The following DMXL1 variants were observed in gnomAD, a reference collection of about 807,000 sequenced individuals.
DMXL1 encodes dmX-like protein 1.
A neutral mutation model predicts 319.2 loss-of-function variants in DMXL1; 99 were observed. That is an observed-to-expected ratio of 0.31 (90% confidence interval 0.26 to 0.37). DMXL1 has a LOEUF of 0.37. DMXL1 is among the 10% of genes least tolerant of loss of function. The pLI is 1.00. For missense variants in DMXL1, 3,745 were observed against 3,595.6 expected (o/e 1.04, Z -1.06); for synonymous variants, 1,385 against 1,235.2 (o/e 1.12, Z -2.54).
chr5:119,096,620 C>T (rs1040370964), intron 1 of DMXL1, among the ~76,000 whole-genome samples: 4 of 152,068 alleles, frequency 2.6e-5, no homozygotes, highest in African/African-American at 4.8e-5. Flanking sequence ...AATATGAATC[C>T]TAGGAGAACA....
rs774554516 is a variant in DMXL1 at position 119,149,453 on chromosome 5, T to C, written c.3626T>C (p.Val1209Ala). Residue 1209 changes from valine to alanine, a missense_variant, in exon 18 of 44, where the codon GTA becomes GCA. This residue lies in a region of DMXL1 where 2,096 missense variants were observed against 1,985.4 expected (regional missense o/e 1.06). Transcript: ENST00000539542. ...LLRSVDLVSS[V>A]DGSPPFPVSL... ...CGAAGTGTGGACCTAGTTTCTTCTG[T>C]AGATGGCTCCCCACCTTTTCCTGTT... 8 of 1,613,994 alleles carry C rather than the reference T, an allele frequency of 5.0e-6. No homozygotes were observed. The highest frequency in any genetic ancestry group is 1.7e-4 in the Middle Eastern group (1 of 6,060).
chr5:119,153,334 A>G (rs80031024), intron 19 of DMXL1, among the ~76,000 whole-genome samples: 3,074 of 152,310 alleles, frequency 0.02, 49 homozygotes, highest in Non-Finnish European at 0.028. Flanking sequence ...GTATGTATTT[A>G]TAGGGTACAA....
At position 119,149,338 on chromosome 5, in the gene DMXL1, A is replaced by G. The variant is rs747159436; in HGVS notation, c.3511A>G (p.Lys1171Glu). The G allele has an allele frequency of 4.3e-6, 7 of 1,613,964 alleles. No individual in the cohort carries two copies. The South Asian group carries it at 7.7e-5, about 18-fold the overall frequency. The change falls in exon 18 of 44, where the codon AAG (lysine) becomes GAG (glutamate). Residue 1171 changes from lysine to glutamate, a missense_variant. Coordinates refer to ENST00000539542, the MANE Select transcript of DMXL1 (RefSeq NM_001290321.3). ...KLFMYGPLAG[K>E]VQDQTGKETL... ...TTTTATGTATGGACCCCTGGCTGGC[A>G]AGGTACAAGACCAAACTGGTAAGGA...
chr5:119,223,762 A>G (rs1405134173), intron 37 of DMXL1, among the ~76,000 whole-genome samples: 3 of 152,094 alleles, frequency 2.0e-5, no homozygotes, highest in Non-Finnish European at 2.9e-5. Context: ...TTTTTTACGT[A>G]TGGTTCTCCT....
chr5:119,158,205 GTT>G (rs762291035), intron 19 of DMXL1, among the ~76,000 whole-genome samples: 15 of 128,986 alleles, frequency 1.2e-4, no homozygotes, highest in African/African-American at 8.5e-5. Flanking sequence ...TATTTCTAAG[GTT>G]TTTTTTTTTT....
rs531549314 is a variant in DMXL1, at chr5:119,144,265, C to G, written c.2467-271C>G. ...TTATTGAAAATCACTGAAAAGAAAA[C>G]TAGGTTCCAATTTGTGGCTAAATAA... On this transcript the variant is annotated intron_variant, in intron 14 of 43. Coordinates refer to ENST00000539542, the MANE Select transcript of DMXL1 (RefSeq NM_001290321.3). Among the ~76,000 whole-genome samples the G allele has an allele frequency of 6.5e-4, 99 of 151,812 alleles. 2 individuals carry two copies. The highest frequency in any genetic ancestry group is 2.2e-3 in the African/African-American group (91 of 41,500).
chr5:119,244,013 G>A (rs1789274937), intron 42 of DMXL1, among the ~76,000 whole-genome samples: 1 of 152,152 alleles, frequency 6.6e-6, no homozygotes, highest in Non-Finnish European at 1.5e-5. Flanking sequence ...TTTGGTCTAG[G>A]GCTGATTTTC....
chr5:119,207,654 G>C (rs755104857), intron 34 of DMXL1, among the ~76,000 whole-genome samples: 4 of 151,970 alleles, frequency 2.6e-5, no homozygotes, highest in Non-Finnish European at 5.9e-5. Flanking sequence ...TAGTAGCTGG[G>C]ATTATAGGCG....
intron 3 of DMXL1, among the ~76,000 whole-genome samples, chr5:119,102,537 G>C (rs1580710349): frequency 6.6e-6 from 1 of 152,268 alleles, no homozygotes; most frequent in East Asian, 1.9e-4. Context: ...AGATTTTATA[G>C]GTTCTTTAAT....
At chr5:119,108,657 C>G (rs956160240) in intron 4 of DMXL1, among the ~76,000 whole-genome samples, 18 of 152,162 alleles carry the variant, frequency 1.2e-4, no homozygotes, top group African/African-American at 4.3e-4. Flanking sequence ...TGGGCTCAAG[C>G]AGTCCTCCCA....
At chr5:119,081,997 T>TTATATATA (rs144946899) in intron 1 of DMXL1, among the ~76,000 whole-genome samples, 29 of 116,202 alleles carry the variant, frequency 2.5e-4, no homozygotes, top group South Asian at 6.5e-4. Flanking sequence ...TTTCTTAAGG[T>TTATATATA]TATATATATA....
At position 119,144,724 on chromosome 5, in the gene DMXL1, A is replaced by G. The variant is rs536217828; in HGVS notation, c.2569+86A>G. 12 of 815,066 alleles carry G rather than the reference A, an allele frequency of 1.5e-5. No homozygotes were observed. The South Asian group carries it at 2.6e-4, about 18-fold the overall frequency. The allele number at this position is 815,066 out of a possible 1,614,324, so 50.5% of individuals were successfully genotyped here. On this transcript the variant is annotated intron_variant, in intron 15 of 43. Transcript: ENST00000539542. ...AAGATGAATTGGTAAAATGCTTTAC[A>G]TTGTCTATTTGAAGTAAAAATTGGG... is the stretch of plus-strand genomic sequence containing the variant.
Position 119,196,461 on chromosome 5 carries a change from T to C in DMXL1, c.7543+5T>C, listed in dbSNP as rs766920259. 16 of 1,602,680 alleles carry C rather than the reference T, an allele frequency of 1.0e-5. No homozygotes were observed. In the Admixed American group the frequency reaches 1.0e-4, roughly 10 times the overall value. On this transcript the variant is annotated splice_donor_5th_base_variant and intron_variant, in intron 31 of 43. Transcript: ENST00000539542. ...TCGCAGGTCATGATCTTGCAGGTAA[T>C]AAATAGCTCAACATGAGCTAATGGT... is the stretch of plus-strand genomic sequence containing the variant.
rs532100579 is a variant in DMXL1, at chr5:119,153,530, A to G, written c.4702+1494A>G. ...GCTGTGCAGTAGATATCAAAAATGT[A>G]TTCCTCCTAACTGAAACTTTTTACC... On this transcript the variant is annotated intron_variant, in intron 19 of 43. Transcript: ENST00000539542. Among the ~76,000 whole-genome samples, 8 of 152,342 alleles carry G rather than the reference A, an allele frequency of 5.3e-5. No individual in the cohort carries two copies. The South Asian group carries it at 1.5e-3, about 28-fold the overall frequency.
At chr5:119,179,384 T>G (rs1341934138) in intron 28 of DMXL1, among the ~76,000 whole-genome samples, 1 of 151,802 alleles carries the variant, frequency 6.6e-6, no homozygotes, top group Non-Finnish European at 1.5e-5. Flanking sequence ...GAGCTTTCAT[T>G]CACTTCTTCC....
chr5:119,141,024 T>C (rs1580972786), intron 13 of DMXL1, among the ~76,000 whole-genome samples: 1 of 152,340 alleles, frequency 6.6e-6, no homozygotes, highest in East Asian at 1.9e-4. Flanking sequence ...TTTTGATAGA[T>C]GCAGAAAAGG....
At chr5:119,237,207 C>T in intron 39 of DMXL1, 115 bp from the exon 40 acceptor site, 3 of 541,810 alleles carry the variant, frequency 5.5e-6, no homozygotes, top group South Asian at 3.5e-5. Context: ...TGAAAAATCA[C>T]ATGACATACA....
At chr5:119,156,995 A>G (rs575639451) in intron 19 of DMXL1, among the ~76,000 whole-genome samples, 2 of 148,568 alleles carry the variant, frequency 1.3e-5, no homozygotes, top group South Asian at 4.2e-4. Context: ...ATATCTGTTC[A>G]GTTCATTTAT....
chr5:119,128,878 G>C (rs1220503636), intron 9 of DMXL1, among the ~76,000 whole-genome samples: 1 of 152,006 alleles, frequency 6.6e-6, no homozygotes, highest in Admixed American at 6.6e-5. Context: ...ATCTTGGCCA[G>C]CGTGGTGAAA....
Sources: gnomAD v4.1 joint callset for allele counts (sites outside exome capture counted in the v4.1 genomes callset) on GRCh38, gnomAD v4.1.1 for gene constraint, gnomAD v4.1.1 regional missense constraint, MANE v1.5 for transcripts, NCBI Gene and HGNC (gene_info 2026-07-23, HGNC 2026-07-21) for gene names.